The following UBAC2 variants were observed in gnomAD, a reference collection of about 807,000 sequenced individuals.
The protein encoded by UBAC2 is ubiquitin-associated domain-containing protein 2.
UBAC2 carries 26 observed loss-of-function variants against 44.0 expected under a neutral mutation model. The observed-to-expected ratio is 0.59, with a 90% CI of 0.43 to 0.82. The LOEUF (loss-of-function observed/expected upper bound fraction) is 0.82. Among genes scored for constraint, UBAC2 ranks in the 40% least tolerant of loss-of-function variants. UBAC2 has a pLI of 0.00. For missense variants in UBAC2, 329 were observed against 419.4 expected (o/e 0.78, Z 1.88); for synonymous variants, 155 against 154.3 (o/e 1.00, Z -0.04).
chr13:99,254,851 G>A (rs1296907976), intron 4 of UBAC2: 1 of 1,567,636 alleles, frequency 6.4e-7, no homozygotes, highest in Non-Finnish European at 8.7e-7. Context: ...AATTTTGATG[G>A]GATTGAAATG....
intron 4 of UBAC2, among the ~76,000 whole-genome samples, chr13:99,257,055 A>G (rs1397046572): frequency 6.6e-6 from 1 of 152,194 alleles, no homozygotes; most frequent in Non-Finnish European, 1.5e-5. Flanking sequence ...GTGGTTAAAC[A>G]CAAGAAACGT....
At chr13:99,370,320 G>A (rs1223015678) in intron 8 of UBAC2, among the ~76,000 whole-genome samples, 2 of 152,166 alleles carry the variant, frequency 1.3e-5, no homozygotes, top group African/African-American at 4.8e-5. Context: ...AGCAGCTATG[G>A]CCAAATAACA....
chr13:99,208,432 C>T (rs576204075), intron 1 of UBAC2, among the ~76,000 whole-genome samples: 11 of 152,282 alleles, frequency 7.2e-5, no homozygotes, highest in Admixed American at 3.3e-4. Flanking sequence ...GTGGGCCAGC[C>T]GGTCTCCTAG....
intron 4 of UBAC2, among the ~76,000 whole-genome samples, chr13:99,305,949 G>T (rs2044327569): frequency 1.3e-5 from 2 of 152,244 alleles, no homozygotes; most frequent in South Asian, 2.1e-4. Context: ...AGGCTAGAGT[G>T]CAGTGGCGCA....
At chr13:99,306,953 A>G (rs1034515590) in intron 4 of UBAC2, among the ~76,000 whole-genome samples, 14 of 152,230 alleles carry the variant, frequency 9.2e-5, no homozygotes, top group Non-Finnish European at 1.6e-4. Context: ...AATAATTCCT[A>G]TAGCATAGGA....
chr13:99,262,574 G>A (rs879519077), intron 4 of UBAC2, among the ~76,000 whole-genome samples: 10 of 151,824 alleles, frequency 6.6e-5, no homozygotes, highest in Admixed American at 2.6e-4. Context: ...ATGGTGGTGC[G>A]TGCCTATAAT....
intron 7 of UBAC2, among the ~76,000 whole-genome samples, chr13:99,347,721 C>T (rs2138848554): frequency 6.6e-6 from 1 of 150,906 alleles, no homozygotes; most frequent in Middle Eastern, 3.4e-3. Flanking sequence ...TACAGTGGTC[C>T]CATGCTCATC....
chr13:99,368,806 T>C (rs908073379), intron 8 of UBAC2, among the ~76,000 whole-genome samples: 2 of 151,976 alleles, frequency 1.3e-5, no homozygotes, highest in Non-Finnish European at 1.5e-5. Flanking sequence ...TGCCCAGATC[T>C]GGTTTCTAAA....
At chr13:99,302,254 G>A (rs2044267424) in intron 4 of UBAC2, among the ~76,000 whole-genome samples, 1 of 152,228 alleles carries the variant, frequency 6.6e-6, no homozygotes, top group Non-Finnish European at 1.5e-5. Context: ...TGGCTACTTT[G>A]AGGAAAGGTT....
At chr13:99,349,706 T>C (rs1237491665) in intron 7 of UBAC2, among the ~76,000 whole-genome samples, 2 of 152,168 alleles carry the variant, frequency 1.3e-5, no homozygotes, top group Non-Finnish European at 2.9e-5. Context: ...ACTTTAAGAC[T>C]TTTACTATTT....
intron 7 of UBAC2, among the ~76,000 whole-genome samples, chr13:99,352,441 T>C (rs368770523): frequency 1.3e-5 from 2 of 152,270 alleles, no homozygotes; most frequent in Middle Eastern, 3.2e-3. Context: ...AGCTGATCTT[T>C]ATGACTGGCT....
intron 7 of UBAC2, among the ~76,000 whole-genome samples, chr13:99,342,692 G>A (rs531076318): frequency 2.0e-5 from 3 of 152,222 alleles, no homozygotes; most frequent in African/African-American, 7.2e-5. Flanking sequence ...GCCCGTGGTG[G>A]GCACGACCTG....
intron 1 of UBAC2, among the ~76,000 whole-genome samples, chr13:99,216,041 A>G (rs2042990196): frequency 6.6e-6 from 1 of 152,134 alleles, no homozygotes; most frequent in East Asian, 1.9e-4. Context: ...GGTTTTTGCC[A>G]TTAAAGGTAA....
In UBAC2 at chr13:99,255,096, C is replaced by T. The variant is rs143074994; in HGVS notation, c.389+10472C>T. On this transcript the variant is annotated intron_variant, in intron 4 of 8. Transcript: ENST00000403766. ...CCCAGGGATTGTAACTGTTCTCCCC[C>T]GTTCCCAGCATCAGGAAAGCGAAAC... is the stretch of plus-strand genomic sequence containing the variant. 1,303 of 1,614,124 alleles carry T rather than the reference C, an allele frequency of 8.1e-4. 1 individual carries two copies. Among genetic ancestry groups the T allele is most frequent in the Non-Finnish European group, 9.4e-4 (1,111 of 1,180,014 alleles).
At position 99,203,023 on chromosome 13, in the gene UBAC2, T is replaced by TTTTATTTATTTATTTA. The variant is rs58103279; in HGVS notation, c.31+2103_31+2118dup. Among the ~76,000 whole-genome samples the TTTTATTTATTTATTTA allele has an allele frequency of 2.7e-3, 392 of 146,520 alleles. 2 individuals carry two copies. The highest frequency in any genetic ancestry group is 4.9e-3 in the African/African-American group (195 of 39,756). The stretch of plus-strand genomic sequence containing the variant: ...GGGAGAAGTGATTTCCTTTGTTTTA[T>TTTTATTTATTTATTTA]TTTATTTATTTATTTATTTATTTAT... On this transcript the variant is annotated intron_variant, in intron 1 of 8. Coordinates refer to ENST00000403766, the MANE Select transcript of UBAC2 (RefSeq NM_001144072.2).
intron 4 of UBAC2, among the ~76,000 whole-genome samples, chr13:99,261,248 G>A (rs2043656876): frequency 6.6e-6 from 1 of 152,208 alleles, no homozygotes; most frequent in African/African-American, 2.4e-5. Context: ...AGGGTGTGAG[G>A]CAGACAAAGA....
chr13:99,377,204 G>C (rs1271387204), intron 8 of UBAC2: 1 of 99,144 alleles, frequency 1.0e-5, no homozygotes, highest in African/African-American at 2.8e-5. Flanking sequence ...CCTGGTGCCA[G>C]CCCTCAAGGG....
At chr13:99,328,802 A>G (rs1389578872) in intron 6 of UBAC2, among the ~76,000 whole-genome samples, 1 of 149,970 alleles carries the variant, frequency 6.7e-6, no homozygotes, top group Non-Finnish European at 1.5e-5. Context: ...GTTACCAAAA[A>G]GCAAAATTTT....
intron 1 of UBAC2, among the ~76,000 whole-genome samples, chr13:99,211,709 G>C (rs1205659616): frequency 1.3e-5 from 2 of 152,198 alleles, no homozygotes; most frequent in African/African-American, 4.8e-5. Context: ...TGGTCTGGCT[G>C]CCTGTTCTGT....
Sources: gnomAD v4.1 joint callset for allele counts (sites outside exome capture counted in the v4.1 genomes callset) on GRCh38, gnomAD v4.1.1 for gene constraint, MANE v1.5 for transcripts, NCBI Gene and HGNC (gene_info 2026-07-23, HGNC 2026-07-21) for gene names.